The following PTGER4 variants were observed in gnomAD, a reference collection of about 807,000 sequenced individuals.
PTGER4 encodes prostaglandin E receptor 4.
PTGER4 carries 11 observed loss-of-function variants against 33.2 expected under a neutral mutation model. That is an observed-to-expected ratio of 0.33 (90% confidence interval 0.21 to 0.55). The LOEUF (loss-of-function observed/expected upper bound fraction) is 0.55, where lower values mean the gene tolerates loss of function less well. Ranked by LOEUF, PTGER4 falls within the 20% of genes least tolerant of loss-of-function variation. PTGER4 has a pLI of 0.92. For missense variants in PTGER4, 481 were observed against 650.2 expected, an observed-to-expected ratio of 0.74 and a Z score of 2.83; for synonymous variants, 275 against 281.5, an observed-to-expected ratio of 0.98 and a Z score of 0.23.
the PTGER4 span, chr5:40,728,610 C>T: frequency 1.3e-6 from 1 of 745,520 alleles, no homozygotes; most frequent in Non-Finnish European, 2.0e-6. Context: ...TTACCCCTTA[C>T]TCTGCCATTC....
the PTGER4 span, among the ~76,000 whole-genome samples, chr5:40,726,110 C>A: frequency 6.6e-6 from 1 of 150,934 alleles, no homozygotes; most frequent in African/African-American, 2.4e-5. Context: ...TCTCATCCTT[C>A]CACTTCTTAA....
At chr5:40,715,617 A>G in the PTGER4 span, 1 of 152,516 alleles carries the variant, frequency 6.6e-6, no homozygotes, top group Admixed American at 6.5e-5. Context: ...TTTTCAGCCA[A>G]ACTTTCAAAG....
At chr5:40,685,308 A>G in intron 2 of PTGER4, 1 of 732,300 alleles carries the variant, frequency 1.4e-6, no homozygotes, top group Non-Finnish European at 1.7e-6. Context: ...TTGTCTCTAT[A>G]AAGCTTTCAC....
At chr5:40,698,425 C>T (rs1741663367), downstream of PTGER4, among the ~76,000 whole-genome samples, 1 of 152,072 alleles carries the variant, frequency 6.6e-6, no homozygotes, top group South Asian at 2.1e-4. Flanking sequence ...TATACCAGTA[C>T]TTAATGTCCT....
the PTGER4 span, among the ~76,000 whole-genome samples, chr5:40,738,552 TAAA>T: frequency 1.1e-4 from 12 of 112,692 alleles, no homozygotes; most frequent in East Asian, 2.6e-3. Context: ...TAAAATAAAA[TAAA>T]ATAAAATAAA....
Position 40,692,743 on chromosome 5 carries a change from C to G in PTGER4, c.*365C>G, listed in dbSNP as rs752999628. 1,146 of 1,014,232 alleles carry G rather than the reference C, an allele frequency of 1.1e-3. 2 individuals are homozygous for G. Among genetic ancestry groups the G allele is most frequent in the Non-Finnish European group, 1.3e-3 (1,115 of 847,508 alleles). 62.8% of individuals were successfully genotyped at this position (1,014,232 alleles called of 1,614,324 possible). A position where few individuals can be genotyped will look rare whatever the true frequency, so the allele number is the denominator to read the frequency against. On this transcript the variant is annotated 3_prime_UTR_variant, in exon 3 of 3. Coordinates refer to ENST00000302472, the MANE Select transcript of PTGER4 (RefSeq NM_000958.3). ...CAGAGGCCCAGATATTAGAAAGGCT[C>G]TATTCCAATAAACTATGAGGACTGC...
At chr5:40,687,388 C>G (rs1172635502) in intron 2 of PTGER4, among the ~76,000 whole-genome samples, 1 of 152,202 alleles carries the variant, frequency 6.6e-6, no homozygotes, top group Non-Finnish European at 1.5e-5. Context: ...CAGCAACACA[C>G]TCTTCCAACA....
Position 40,691,948 on chromosome 5 carries a change from G to A in PTGER4, c.1037G>A (p.Cys346Tyr). 1 of 1,614,250 alleles carries A rather than the reference G, an allele frequency of 6.2e-7. No homozygotes were observed. Among genetic ancestry groups the A allele is most frequent in the Non-Finnish European group, 8.5e-7 (1 of 1,180,032 alleles). Residue 346 changes from cysteine (C) to tyrosine (Y), a missense_variant, in exon 3 of 3, where the codon TGC becomes TAC. This residue lies in a region of PTGER4 where 172 missense variants were observed against 199.2 expected (regional missense o/e 0.86). Coordinates refer to ENST00000302472, the MANE Select transcript of PTGER4 (RefSeq NM_000958.3). This position sits in a 1 kb window ranked among gnomAD's most constrained non-coding sequence, Gnocchi z 4.2. The part of the protein sequence containing the change: ...VLSKAIEKIK[C>Y]LFCRIGGSRR... ...AGTAAAGCAATAGAGAAGATCAAAT[G>A]CCTCTTCTGCCGCATTGGCGGGTCC...
At chr5:40,704,201 G>A in the PTGER4 span, among the ~76,000 whole-genome samples, 1 of 152,044 alleles carries the variant, frequency 6.6e-6, no homozygotes, top group African/African-American at 2.4e-5. Context: ...ATCAATAAAC[G>A]TGATTCATCA....
At chr5:40,737,522 C>T in the PTGER4 span, among the ~76,000 whole-genome samples, 14 of 151,978 alleles carry the variant, frequency 9.2e-5, no homozygotes, top group Admixed American at 6.5e-4. Flanking sequence ...ATATATGAAA[C>T]GAATATAGAA....
downstream of PTGER4, among the ~76,000 whole-genome samples, chr5:40,698,120 C>CAAAAA (rs1352485485): frequency 2.8e-5 from 2 of 71,054 alleles, 1 homozygote; most frequent in African/African-American, 1.0e-4. Context: ...AAAAAAAAAA[C>CAAAAA]CATGAAAAAT....
the PTGER4 span, among the ~76,000 whole-genome samples, chr5:40,723,361 C>A: frequency 6.6e-6 from 1 of 152,086 alleles, no homozygotes; most frequent in African/African-American, 2.4e-5. Context: ...TATCTGCTGA[C>A]CTTCCCTCCA....
chr5:40,693,591 GAA>G lies in PTGER4; in HGVS notation c.*1215_*1216del. 1.0e-6 allele frequency: 1 copy of G among 985,916 alleles called. No individual in the cohort carries two copies. The highest frequency in any genetic ancestry group is 1.2e-6 in the Non-Finnish European group (1 of 829,878). 61.1% of individuals were successfully genotyped at this position (985,916 alleles called of 1,614,324 possible). On this transcript the variant is annotated 3_prime_UTR_variant, in exon 3 of 3. Transcript: ENST00000302472. ...ACATATTTGAAGGGTCTTTCTCAAA[GAA>G]ATATTAAGCATGTTTTGTTGCTCAG...
chr5:40,698,028 C>T (rs1468540402), downstream of PTGER4, among the ~76,000 whole-genome samples: 3 of 132,520 alleles, frequency 2.3e-5, no homozygotes, highest in Non-Finnish European at 3.1e-5. Flanking sequence ...AACCAAATAC[C>T]ACATGGTCTC....
the PTGER4 span, among the ~76,000 whole-genome samples, chr5:40,704,511 AG>A: frequency 1.3e-5 from 2 of 152,206 alleles, no homozygotes; most frequent in Non-Finnish European, 2.9e-5. Flanking sequence ...AAAGAAATAA[AG>A]GGCATCCAAA....
At chr5:40,695,866 G>C (rs1324016691), downstream of PTGER4, among the ~76,000 whole-genome samples, 1 of 152,150 alleles carries the variant, frequency 6.6e-6, no homozygotes, top group Non-Finnish European at 1.5e-5. Context: ...TTATAAATGA[G>C]AGCTATACAA....
chr5:40,728,153 G>A, the PTGER4 span, among the ~76,000 whole-genome samples: 24 of 151,628 alleles, frequency 1.6e-4, no homozygotes, highest in East Asian at 3.9e-4. Flanking sequence ...GCATGGTGGC[G>A]CATGCCTATA....
chr5:40,704,830 C>T, the PTGER4 span, among the ~76,000 whole-genome samples: 2 of 152,104 alleles, frequency 1.3e-5, no homozygotes, highest in African/African-American at 2.4e-5. Context: ...AGAGAAGACA[C>T]AAGCAAATAG....
the PTGER4 span, among the ~76,000 whole-genome samples, chr5:40,743,718 G>A: frequency 6.6e-6 from 1 of 152,240 alleles, no homozygotes; most frequent in South Asian, 2.1e-4. Context: ...AGGTTGCAGT[G>A]AGCCAAGATC....
Sources: gnomAD v4.1 joint callset for allele counts (sites outside exome capture counted in the v4.1 genomes callset) on GRCh38, gnomAD v4.1.1 for gene constraint, gnomAD v4.1.1 regional missense constraint, Gnocchi (gnomAD v3.1) non-coding constraint, MANE v1.5 for transcripts, NCBI Gene and HGNC (gene_info 2026-07-23, HGNC 2026-07-21) for gene names.